The following ACKR2 variants were observed in gnomAD, a reference collection of about 807,000 sequenced individuals.
ACKR2 encodes the protein atypical chemokine receptor 2.
For synonymous variants in ACKR2, 207 were observed against 192.2 expected (o/e 1.08, Z -0.64); for missense variants, 457 against 477.3 (o/e 0.96, Z 0.40).
At chr3:42,835,109 G>C (rs1700973907) in intron 2 of ACKR2, 1 of 151,910 alleles carries the variant, frequency 6.6e-6, no homozygotes, top group African/African-American at 2.4e-5. Context: ...GAACTCCTAG[G>C]CTCAAGCGAT....
intron 1 of ACKR2, among the ~76,000 whole-genome samples, chr3:42,814,734 C>G (rs1183899507): frequency 3.3e-5 from 5 of 151,974 alleles, no homozygotes; most frequent in Non-Finnish European, 1.5e-5. Context: ...AGACTCAGTC[C>G]CTGCCATGAA....
At chr3:42,829,819 G>GA (rs2125608070) in intron 2 of ACKR2, among the ~76,000 whole-genome samples, 1 of 152,262 alleles carries the variant, frequency 6.6e-6, no homozygotes, top group South Asian at 2.1e-4. Context: ...CAGAACATGG[G>GA]AAAACTTGAA....
intron 1 of ACKR2, among the ~76,000 whole-genome samples, chr3:42,817,358 G>C (rs1448983796): frequency 6.6e-6 from 1 of 151,974 alleles, no homozygotes; most frequent in Admixed American, 6.6e-5. Context: ...CCATTCCCCT[G>C]ATATCCCCAC....
chr3:42,833,851 C>A (rs1344424237), intron 2 of ACKR2, among the ~76,000 whole-genome samples: 2 of 151,856 alleles, frequency 1.3e-5, no homozygotes, highest in Non-Finnish European at 2.9e-5. Context: ...GATTTTCAAC[C>A]CTGTGTTGAG....
At position 42,852,989 on chromosome 3, in the gene ACKR2, C is replaced by T. The variant is rs974677895; in HGVS notation, c.-37-11477C>T. ...TGGATTTCCTGGGAAACTAGAGAGG[C>T]GATACCTGTTCACCCCTTCACGAGG... On this transcript the variant is annotated intron_variant, in intron 2 of 2. Transcript: ENST00000422265. This position sits in a 1 kb window ranked among gnomAD's most constrained non-coding sequence, Gnocchi z 4.3. Among the ~76,000 whole-genome samples the T allele has an allele frequency of 3.3e-5, 5 of 152,012 alleles. No individual in the cohort carries two copies. Among genetic ancestry groups the T allele is most frequent in the African/African-American group, 9.7e-5 (4 of 41,376 alleles).
chr3:42,842,773 A>G (rs1169094992), intron 2 of ACKR2, among the ~76,000 whole-genome samples: 1 of 152,074 alleles, frequency 6.6e-6, no homozygotes, highest in African/African-American at 2.4e-5. Flanking sequence ...ATTTGAGATC[A>G]GGAGTTTGAG....
intron 2 of ACKR2, among the ~76,000 whole-genome samples, chr3:42,854,855 C>CT (rs1207262721): frequency 0.028 from 3,765 of 133,814 alleles, 78 homozygotes; most frequent in African/African-American, 0.05. Context: ...TCATACCTTT[C>CT]TTTTTTTTTT....
At chr3:42,833,263 A>T (rs1700950269) in intron 2 of ACKR2, among the ~76,000 whole-genome samples, 1 of 152,260 alleles carries the variant, frequency 6.6e-6, no homozygotes, top group Non-Finnish European at 1.5e-5. Context: ...AACAAGTGAA[A>T]TTAATTTGAA....
intron 2 of ACKR2, among the ~76,000 whole-genome samples, chr3:42,849,415 T>A (rs999270926): frequency 2.0e-5 from 3 of 151,994 alleles, no homozygotes; most frequent in African/African-American, 4.8e-5. Flanking sequence ...GGAGAGTTTA[T>A]TGAACCTGGG....
chr3:42,828,092 A>ATATTTTTTTTTT (rs1193533555), intron 2 of ACKR2, among the ~76,000 whole-genome samples: 3 of 121,884 alleles, frequency 2.5e-5, no homozygotes, highest in Non-Finnish European at 3.4e-5. Context: ...ATATATATAT[A>ATATTTTTTTTTT]TTTTTTTTTT....
intron 2 of ACKR2, among the ~76,000 whole-genome samples, chr3:42,823,668 C>A (rs1700832600): frequency 6.6e-6 from 1 of 152,178 alleles, no homozygotes; most frequent in South Asian, 2.1e-4. Context: ...AGCTAAGCAC[C>A]ATTCAGCTTT....
chr3:42,831,374 C>T (rs921160248), intron 2 of ACKR2, among the ~76,000 whole-genome samples: 1 of 152,246 alleles, frequency 6.6e-6, no homozygotes, highest in African/African-American at 2.4e-5. Context: ...ATCCAACCTT[C>T]ATTGCTTTGT....
intron 2 of ACKR2, among the ~76,000 whole-genome samples, chr3:42,848,923 C>T (rs1177253017): frequency 1.3e-5 from 2 of 152,256 alleles, no homozygotes; most frequent in Middle Eastern, 3.4e-3. Flanking sequence ...AAACACCACA[C>T]TGAAATTTAG....
At chr3:42,818,900 G>A (rs1253093113) in intron 1 of ACKR2, among the ~76,000 whole-genome samples, 1 of 152,060 alleles carries the variant, frequency 6.6e-6, no homozygotes, top group Admixed American at 6.6e-5. Flanking sequence ...CAAACAAAAT[G>A]CTGTCAGGTT....
intron 2 of ACKR2, among the ~76,000 whole-genome samples, chr3:42,822,549 G>A (rs1700818592): frequency 6.6e-6 from 1 of 152,016 alleles, no homozygotes; most frequent in Non-Finnish European, 1.5e-5. Flanking sequence ...GAATACAACA[G>A]GCACAGTTAA....
intron 2 of ACKR2, among the ~76,000 whole-genome samples, chr3:42,826,372 C>A (rs139309521): frequency 6.6e-6 from 1 of 152,052 alleles, no homozygotes; most frequent in African/African-American, 2.4e-5. Flanking sequence ...CCAGTGAAGT[C>A]ATCTGGTTCT....
chr3:42,865,201 TG>T lies in ACKR2; in HGVS notation c.701del (p.Gly234ValfsTer5), dbSNP rs972813788. 5 of 1,614,182 alleles carry T rather than the reference TG, an allele frequency of 3.1e-6. No homozygotes were observed. The highest frequency in any genetic ancestry group is 4.2e-6 in the Non-Finnish European group (5 of 1,180,026). The stretch of plus-strand genomic sequence containing the variant: ...CCATGATCTTCTTCTACTCCCGTAT[TG>T]GTTGTGTCTTGGTGAGGCTGAGGCC... Reference protein sequence around the residue: ...LAMIFFYSRIGCVLVRLRPAG... With the variant: ...LAMIFFYSRIXCVLVRLRPAG... On this transcript the variant is annotated frameshift_variant, in exon 3 of 3. Transcript: ENST00000422265. LOFTEE classifies it low-confidence loss of function (END_TRUNC).
intron 2 of ACKR2, among the ~76,000 whole-genome samples, chr3:42,836,613 G>T (rs754311909): frequency 1.3e-5 from 2 of 152,194 alleles, no homozygotes; most frequent in Non-Finnish European, 2.9e-5. Flanking sequence ...CCATTCTTGA[G>T]GATAGGAGGG....
At chr3:42,860,130 G>A (rs1437526313) in intron 2 of ACKR2, among the ~76,000 whole-genome samples, 10 of 106,376 alleles carry the variant, frequency 9.4e-5, no homozygotes, top group African/African-American at 3.5e-4. Context: ...TCAAAATAAA[G>A]GGATGGAGGA....
Sources: allele counts gnomAD v4.1 joint callset (sites outside exome capture counted in the v4.1 genomes callset), GRCh38; gene constraint gnomAD v4.1.1; non-coding constraint Gnocchi (gnomAD v3.1); transcripts MANE v1.5; gene names NCBI Gene and HGNC (gene_info 2026-07-23, HGNC 2026-07-21).